The following ASTN2 variants were observed in gnomAD, a reference collection of about 807,000 sequenced individuals.
ASTN2 encodes the protein astrotactin-2.
A neutral mutation model predicts 139.8 loss-of-function variants in ASTN2; 54 were observed. The ratio of observed to expected loss-of-function variants is 0.39; its 90% CI spans 0.31 to 0.48. ASTN2 has a LOEUF of 0.48. ASTN2 is among the 20% of genes least tolerant of loss of function. ASTN2 has a pLI of 0.95. For missense variants in ASTN2, 1,565 were observed against 1,725.1 expected (o/e 0.91, Z 1.64); for synonymous variants, 756 against 719.5 (o/e 1.05, Z -0.81).
At chr9:117,296,277 C>CAAAAAAAAAAAAAAAAAAAAAAAAA (rs5900277) in intron 1 of ASTN2, among the ~76,000 whole-genome samples, 1 of 71,002 alleles carries the variant, frequency 1.4e-5, no homozygotes, top group African/African-American at 6.0e-5. Context: ...GACTGCATCT[C>CAAAAAAAAAAAAAAAAAAAAAAAAA]AAAAAAAAAA....
intron 13 of ASTN2, among the ~76,000 whole-genome samples, chr9:116,777,968 G>A (rs1463107327): frequency 3.3e-5 from 5 of 151,886 alleles, no homozygotes; most frequent in Non-Finnish European, 7.4e-5. Flanking sequence ...TCAGCCTCCC[G>A]AGCAGCTGGG....
chr9:117,270,719 A>C (rs1275119012), intron 2 of ASTN2, among the ~76,000 whole-genome samples: 1 of 152,230 alleles, frequency 6.6e-6, no homozygotes, highest in Non-Finnish European at 1.5e-5. Flanking sequence ...AAAAGCTACA[A>C]TATTAATACC....
intron 2 of ASTN2, among the ~76,000 whole-genome samples, chr9:117,228,495 TCA>T (rs1832785431): frequency 1.3e-5 from 2 of 151,912 alleles, no homozygotes; most frequent in South Asian, 4.1e-4. Context: ...CCGGGCTAGA[TCA>T]AGAAAACCCC....
At chr9:116,791,028 AAAGAAAGAAAG>A (rs1413165613) in intron 13 of ASTN2, among the ~76,000 whole-genome samples, 4,975 of 126,874 alleles carry the variant, frequency 0.039, 277 homozygotes, top group East Asian at 0.16. Flanking sequence ...AGAAAGAAAG[AAAGAAAGAAAG>A]AAAGAAAAGA....
chr9:117,242,504 C>T (rs7856926), intron 2 of ASTN2, among the ~76,000 whole-genome samples: 61,342 of 152,002 alleles, frequency 0.4, 13,423 homozygotes, highest in African/African-American at 0.58. Context: ...TTATCATCCA[C>T]TGTTAGAAGA....
intron 1 of ASTN2, among the ~76,000 whole-genome samples, chr9:117,330,298 C>T (rs1828661284): frequency 6.6e-6 from 1 of 152,188 alleles, no homozygotes; most frequent in African/African-American, 2.4e-5. Flanking sequence ...AGAAACCCAA[C>T]TGACACAACT....
At chr9:117,035,021 G>A (rs73519376) in intron 6 of ASTN2, among the ~76,000 whole-genome samples, 3,711 of 152,192 alleles carry the variant, frequency 0.024, 139 homozygotes, top group African/African-American at 0.083. Context: ...CTGGAAGACA[G>A]GACCCATTAC....
At chr9:117,278,553 A>G (rs992768917) in intron 2 of ASTN2, among the ~76,000 whole-genome samples, 3 of 152,188 alleles carry the variant, frequency 2.0e-5, no homozygotes, top group Non-Finnish European at 4.4e-5. Context: ...TCAGGAGAGA[A>G]ATTTTAGAGG....
intron 1 of ASTN2, among the ~76,000 whole-genome samples, chr9:117,298,656 G>GTA (rs1317237600): frequency 1.9e-3 from 210 of 110,028 alleles, no homozygotes; most frequent in Non-Finnish European, 2.8e-3. Flanking sequence ...CTTGGTGTGT[G>GTA]TATATATATA....
At chr9:117,304,439 C>T (rs1351061394) in intron 1 of ASTN2, among the ~76,000 whole-genome samples, 1 of 152,162 alleles carries the variant, frequency 6.6e-6, no homozygotes, top group Non-Finnish European at 1.5e-5. Context: ...CACTACCTCC[C>T]TAACACCTAG....
At chr9:117,407,668 G>T (rs1411928041) in intron 1 of ASTN2, among the ~76,000 whole-genome samples, 2 of 152,130 alleles carry the variant, frequency 1.3e-5, no homozygotes, top group African/African-American at 4.8e-5. Context: ...TTCTTTTGGG[G>T]GGCTATTGTC....
chr9:117,091,361 T>C (rs1305302607), intron 5 of ASTN2, among the ~76,000 whole-genome samples: 1 of 152,176 alleles, frequency 6.6e-6, no homozygotes, highest in Non-Finnish European at 1.5e-5. Flanking sequence ...TGGACACAAA[T>C]GACAATGTGT....
At chr9:116,441,301 TTAGTCC>T (rs1393510732) in intron 21 of ASTN2, among the ~76,000 whole-genome samples, 8 of 151,994 alleles carry the variant, frequency 5.3e-5, no homozygotes, top group Non-Finnish European at 1.2e-4. Flanking sequence ...ACTGCTTCAG[TTAGTCC>T]TACTAATCAA....
chr9:116,588,606 C>T (rs766658699), intron 19 of ASTN2, among the ~76,000 whole-genome samples: 3 of 152,036 alleles, frequency 2.0e-5, no homozygotes, highest in Admixed American at 6.6e-5. Flanking sequence ...ATAATAGTGT[C>T]TTCATCAATA....
At chr9:116,695,286 G>T (rs1191336185) in intron 16 of ASTN2, among the ~76,000 whole-genome samples, 1 of 152,130 alleles carries the variant, frequency 6.6e-6, no homozygotes, top group Non-Finnish European at 1.5e-5. Flanking sequence ...TCATCATGAA[G>T]ATTAAAAGAG....
intron 4 of ASTN2, among the ~76,000 whole-genome samples, chr9:117,138,411 CT>C (rs1489977012): frequency 6.6e-6 from 1 of 152,174 alleles, no homozygotes; most frequent in Non-Finnish European, 1.5e-5. Context: ...GAACCGTTTG[CT>C]GTGTTGGTGA....
At chr9:117,204,394 A>G (rs992400882) in intron 3 of ASTN2, among the ~76,000 whole-genome samples, 1 of 152,224 alleles carries the variant, frequency 6.6e-6, no homozygotes, top group African/African-American at 2.4e-5. Context: ...TGATGGATCA[A>G]TCACTTAGCC....
chr9:117,226,412 C>CA (rs1300096587), intron 2 of ASTN2, among the ~76,000 whole-genome samples: 3 of 152,032 alleles, frequency 2.0e-5, no homozygotes, highest in Non-Finnish European at 4.4e-5. Context: ...CAAGTGAATG[C>CA]AAAAAGGAAT....
chr9:117,355,429 G>A (rs995164897), intron 1 of ASTN2, among the ~76,000 whole-genome samples: 4 of 152,036 alleles, frequency 2.6e-5, no homozygotes, highest in Admixed American at 6.5e-5. Context: ...TTTCAGTAAC[G>A]CTGTGTGCTG....
Sources: allele counts gnomAD v4.1 joint callset (sites outside exome capture counted in the v4.1 genomes callset), GRCh38; gene constraint gnomAD v4.1.1; transcripts MANE v1.5; gene names NCBI Gene and HGNC (gene_info 2026-07-23, HGNC 2026-07-21).